The following MDGA2 variants were observed in gnomAD, a reference collection of about 807,000 sequenced individuals.
The protein encoded by MDGA2 is MAM domain containing glycosylphosphatidylinositol anchor 2.
Under a neutral mutation model 117.8 loss-of-function variants are expected in MDGA2, and 40 were observed. The ratio of observed to expected loss-of-function variants is 0.34; its 90% CI spans 0.26 to 0.44. The LOEUF is 0.44. MDGA2 is among the 20% of genes least tolerant of loss of function. MDGA2 has a pLI of 1.00. For missense variants in MDGA2, 1,123 were observed against 1,250.6 expected, an observed-to-expected ratio of 0.90 and a Z score of 1.54; for synonymous variants, 452 against 439.0, an observed-to-expected ratio of 1.03 and a Z score of -0.37.
intron 9 of MDGA2, among the ~76,000 whole-genome samples, chr14:46,951,766 C>A (rs1200038511): frequency 1.3e-5 from 2 of 151,960 alleles, no homozygotes; most frequent in African/African-American, 2.4e-5. Flanking sequence ...AGTCTGACTG[C>A]AGCCTTGTGA....
chr14:47,375,420 C>T (rs1449828481), intron 1 of MDGA2, among the ~76,000 whole-genome samples: 1 of 152,052 alleles, frequency 6.6e-6, no homozygotes, highest in East Asian at 1.9e-4. Flanking sequence ...AATGCTTTAG[C>T]TTGACCTTTA....
At chr14:47,143,961 G>T in intron 4 of MDGA2, 117 bp downstream of exon 4, 1 of 671,972 alleles carries the variant, frequency 1.5e-6, no homozygotes, top group Non-Finnish European at 2.2e-6. Flanking sequence ...GCACACATTG[G>T]TTTTTGAAAG....
At chr14:47,402,668 G>C (rs1356706018) in intron 1 of MDGA2, among the ~76,000 whole-genome samples, 1 of 152,034 alleles carries the variant, frequency 6.6e-6, no homozygotes, top group Non-Finnish European at 1.5e-5. Flanking sequence ...TTAAATTTTT[G>C]CATTTGTATA....
chr14:47,364,265 T>C (rs1447254905), intron 1 of MDGA2, among the ~76,000 whole-genome samples: 4 of 152,104 alleles, frequency 2.6e-5, no homozygotes, highest in Non-Finnish European at 5.9e-5. Context: ...AATTATATTA[T>C]ATTTATTTAT....
At chr14:47,103,846 C>T (rs1880478912) in intron 5 of MDGA2, among the ~76,000 whole-genome samples, 2 of 152,166 alleles carry the variant, frequency 1.3e-5, no homozygotes, top group Non-Finnish European at 2.9e-5. Context: ...CTCCCTAGTG[C>T]AATAGGTTCC....
chr14:47,343,748 C>T (rs1890699984), intron 1 of MDGA2, among the ~76,000 whole-genome samples: 1 of 152,006 alleles, frequency 6.6e-6, no homozygotes, highest in African/African-American at 2.4e-5. Context: ...TTAAAGCTTT[C>T]CCTAGTGCTC....
At chr14:47,260,004 C>T (rs1375373699) in intron 2 of MDGA2, among the ~76,000 whole-genome samples, 2 of 151,732 alleles carry the variant, frequency 1.3e-5, no homozygotes, top group African/African-American at 4.8e-5. Flanking sequence ...AAGCTGGGGG[C>T]GGATGGGGAG....
At position 47,608,927 on chromosome 14, in the gene MDGA2, G is replaced by C. The variant is rs151165354; in HGVS notation, c.280+65590C>G. Among the ~76,000 whole-genome samples, 578 of 151,812 alleles carry C rather than the reference G, an allele frequency of 3.8e-3. 5 individuals are homozygous for C. Among genetic ancestry groups the C allele is most frequent in the South Asian group, 6.8e-3 (33 of 4,818 alleles). On this transcript the variant is annotated intron_variant, in intron 1 of 16. Transcript: ENST00000399232. ...GACAGGTTGGAATTTGGTCTGGAGA[G>C]AAAAAAGGGAGTCAAGGTTTTTGAC...
chr14:47,628,608 CCTAAGA>C (rs1363662907), intron 1 of MDGA2, among the ~76,000 whole-genome samples: 3 of 152,126 alleles, frequency 2.0e-5, no homozygotes, highest in South Asian at 2.1e-4. Flanking sequence ...AACCAAAACT[CCTAAGA>C]CTAAAACTAT....
At chr14:47,021,711 G>T (rs1298091535) in intron 8 of MDGA2, among the ~76,000 whole-genome samples, 1 of 152,094 alleles carries the variant, frequency 6.6e-6, no homozygotes, top group Non-Finnish European at 1.5e-5. Flanking sequence ...AGAAAATTTT[G>T]TTGGTAATAA....
chr14:46,953,458 A>C (rs956755838), intron 9 of MDGA2, among the ~76,000 whole-genome samples: 2 of 151,904 alleles, frequency 1.3e-5, no homozygotes, highest in South Asian at 4.1e-4. Flanking sequence ...AGGGCATTCT[A>C]CTTTTATCTC....
chr14:47,154,116 G>A (rs1883272414), intron 3 of MDGA2, among the ~76,000 whole-genome samples: 1 of 152,104 alleles, frequency 6.6e-6, no homozygotes, highest in African/African-American at 2.4e-5. Flanking sequence ...GTCTTGTTTT[G>A]TTTTGTTCCT....
intron 1 of MDGA2, among the ~76,000 whole-genome samples, chr14:47,373,797 C>T (rs1315940929): frequency 4.6e-5 from 7 of 152,172 alleles, no homozygotes; most frequent in African/African-American, 1.4e-4. Context: ...CAATGTTGGC[C>T]TGAAATGGGT....
chr14:47,311,361 T>A (rs1480308653), intron 1 of MDGA2, among the ~76,000 whole-genome samples: 2 of 152,164 alleles, frequency 1.3e-5, no homozygotes, highest in Non-Finnish European at 2.9e-5. Flanking sequence ...TTCAATTTGC[T>A]TTTCCAAGAG....
chr14:47,205,020 A>G (rs1885632119), intron 3 of MDGA2, among the ~76,000 whole-genome samples: 2 of 151,912 alleles, frequency 1.3e-5, no homozygotes, highest in Non-Finnish European at 2.9e-5. Flanking sequence ...TCATTCACAC[A>G]TATACTAGCA....
chr14:47,194,698 T>C (rs1365110829), intron 3 of MDGA2, among the ~76,000 whole-genome samples: 1 of 152,088 alleles, frequency 6.6e-6, no homozygotes, highest in Non-Finnish European at 1.5e-5. Context: ...AGAGATATGA[T>C]GCTTTAAGTT....
intron 10 of MDGA2, among the ~76,000 whole-genome samples, chr14:46,889,148 G>A (rs1008475636): frequency 3.3e-5 from 5 of 151,906 alleles, no homozygotes; most frequent in African/African-American, 7.2e-5. Context: ...CTAACATGGC[G>A]TTAAATGAGT....
intron 8 of MDGA2, among the ~76,000 whole-genome samples, chr14:46,988,720 T>C (rs893805717): frequency 6.6e-6 from 1 of 152,070 alleles, no homozygotes; most frequent in Non-Finnish European, 1.5e-5. Context: ...CTTAGGGAGA[T>C]GTCATTTATC....
Position 47,627,751 on chromosome 14 carries a change from A to G in MDGA2, c.280+46766T>C, listed in dbSNP as rs182465965. 3.6e-3 allele frequency among the ~76,000 whole-genome samples: 549 copies of G among 152,284 alleles called. 3 individuals carry two copies. Among genetic ancestry groups the G allele is most frequent in the African/African-American group, 0.013 (523 of 41,560 alleles). On this transcript the variant is annotated intron_variant, in intron 1 of 16. Coordinates refer to ENST00000399232, the MANE Select transcript of MDGA2 (RefSeq NM_001113498.3). ...GCTGGGGTCCCCTTCCACATTGTGGAAGCTTTGTTCTTTTGTTCTTTGCAA... is the reference window on the plus strand; with the variant it reads ...GCTGGGGTCCCCTTCCACATTGTGGGAGCTTTGTTCTTTTGTTCTTTGCAA...
Sources: allele counts gnomAD v4.1 joint callset (sites outside exome capture counted in the v4.1 genomes callset), GRCh38; gene constraint gnomAD v4.1.1; transcripts MANE v1.5; gene names NCBI Gene and HGNC (gene_info 2026-07-23, HGNC 2026-07-21).